SERPINC1: variants seen among roughly 807,000 people sequenced by gnomAD.
SERPINC1 encodes antithrombin-III.
A neutral mutation model predicts 43.4 loss-of-function variants in SERPINC1; 12 were observed. The observed-to-expected ratio is 0.28, with a 90% CI of 0.18 to 0.45. The LOEUF is 0.45. SERPINC1 is among the 20% of genes least tolerant of loss of function. The pLI is 1.00. For missense variants in SERPINC1, 423 were observed against 578.8 expected, an observed-to-expected ratio of 0.73 and a Z score of 2.76; for synonymous variants, 210 against 218.9, an observed-to-expected ratio of 0.96 and a Z score of 0.36.
chr1:173,908,761 T>G (rs1158741484), intron 5 of SERPINC1, among the ~76,000 whole-genome samples: 1 of 152,084 alleles, frequency 6.6e-6, no homozygotes, highest in Non-Finnish European at 1.5e-5. Flanking sequence ...CATCTCACTA[T>G]GTTGTCCAGG....
intron 3 of SERPINC1, 91 bp from the exon 4 acceptor site, chr1:173,910,982 C>T: frequency 7.0e-7 from 1 of 1,430,318 alleles, no homozygotes; most frequent in South Asian, 1.1e-5. Context: ...CTCACCATCC[C>T]TCTGTCCTTT....
intron 5 of SERPINC1, 83 bp downstream of exon 5, chr1:173,909,469 T>G (rs1657667313): frequency 1.4e-6 from 2 of 1,453,040 alleles, no homozygotes; most frequent in East Asian, 4.5e-5. Flanking sequence ...TTGTTGCTCC[T>G]TTCTATTCTT....
chr1:173,914,128 C>T (rs1474762417), intron 2 of SERPINC1, among the ~76,000 whole-genome samples: 2 of 151,916 alleles, frequency 1.3e-5, no homozygotes, highest in Non-Finnish European at 2.9e-5. Flanking sequence ...AGCCTATATG[C>T]CTGATGTCAC....
At chr1:173,907,546 A>G in intron 5 of SERPINC1, 32 bp from the exon 6 acceptor site, 1 of 1,581,740 alleles carries the variant, frequency 6.3e-7, no homozygotes, top group Non-Finnish European at 8.7e-7. Flanking sequence ...TCTTTGTGAG[A>G]TGGGAGAAAG....
intron 2 of SERPINC1, among the ~76,000 whole-genome samples, chr1:173,912,339 C>T (rs1399528970): frequency 6.6e-6 from 1 of 152,204 alleles, no homozygotes; most frequent in Non-Finnish European, 1.5e-5. Flanking sequence ...AGAAGAGAAT[C>T]AGGACGGTGT....
At chr1:173,907,174 C>A (rs575474866) in intron 6 of SERPINC1, among the ~76,000 whole-genome samples, 1 of 152,192 alleles carries the variant, frequency 6.6e-6, no homozygotes, top group East Asian at 1.9e-4. Flanking sequence ...TCTGGTTCTC[C>A]TCATGCTGTA....
intron 3 of SERPINC1, among the ~76,000 whole-genome samples, 169 bp from the exon 4 acceptor site, chr1:173,911,060 T>G (rs1657752084): frequency 6.6e-6 from 1 of 152,156 alleles, no homozygotes; most frequent in African/African-American, 2.4e-5. Context: ...CTAATATAGT[T>G]CCATGAATCT....
At chr1:173,914,042 C>G (rs547845181) in intron 2 of SERPINC1, among the ~76,000 whole-genome samples, 5 of 151,184 alleles carry the variant, frequency 3.3e-5, no homozygotes, top group African/African-American at 1.2e-4. Flanking sequence ...TGCACCACTG[C>G]ACTCCAGCCT....
At chr1:173,907,167 G>T (rs951316494) in intron 6 of SERPINC1, among the ~76,000 whole-genome samples, 1 of 151,448 alleles carries the variant, frequency 6.6e-6, no homozygotes, top group South Asian at 2.1e-4. Flanking sequence ...ATACTCTTCT[G>T]GTTCTCCTCA....
chr1:173,908,630 A>C (rs1657632131), intron 5 of SERPINC1, among the ~76,000 whole-genome samples: 1 of 152,010 alleles, frequency 6.6e-6, no homozygotes, highest in African/African-American at 2.4e-5. Flanking sequence ...GTGTGATCAC[A>C]GTACACCACA....
Position 173,911,923 on chromosome 1 carries a change from T to C in SERPINC1, c.500A>G (p.Asn167Ser), listed in dbSNP as rs121909570. 6.2e-7 allele frequency: 1 copy of C among 1,614,098 alleles called. No homozygotes were observed. The highest frequency in any genetic ancestry group is 8.5e-7 in the Non-Finnish European group (1 of 1,180,048). The change falls in exon 3 of 7, where the codon AAC becomes AGC. Residue 167 changes from asparagine (N) to serine (S), a missense_variant. Coordinates refer to ENST00000367698, the MANE Select transcript of SERPINC1 (RefSeq NM_000488.4). Reference sequence around the variant, plus strand: ...GGCTGATACTAACTTGGAGGATTTGTTGGCTTTTCGATAGAGTCGGCAGTT... The same window carrying C: ...GGCTGATACTAACTTGGAGGATTTGCTGGCTTTTCGATAGAGTCGGCAGTT... ...KLNCRLYRKANKSSKLVSANR... is the reference protein window; with the variant it reads ...KLNCRLYRKASKSSKLVSANR...
rs1322183862 is a variant in SERPINC1, at chr1:173,909,664, C to A, written c.1041G>T (p.Met347Ile). Residue 347 changes from methionine (M) to isoleucine (I), a missense_variant, in exon 5 of 7, where the codon ATG (methionine) becomes ATT (isoleucine). Physicochemically the swap from Met to Ile is conservative, Grantham distance 10 (BLOSUM62 1). Transcript: ENST00000367698. Reference protein sequence around the residue: ...QEWLDELEEMMLVVHMPRFRI... With the variant: ...QEWLDELEEMILVVHMPRFRI... ...GGAAGCGGGGCATGTGGACCACCAG[C>A]ATCATCTCCTCCAATTCATCCAGCC... is the stretch of plus-strand genomic sequence containing the variant. The A allele has an allele frequency of 6.2e-7, 1 of 1,613,632 alleles. No homozygotes were observed. Among genetic ancestry groups the A allele is most frequent in the Admixed American group, 1.7e-5 (1 of 60,002 alleles).
intron 5 of SERPINC1, among the ~76,000 whole-genome samples, chr1:173,907,849 C>T (rs1311965622): frequency 4.0e-5 from 6 of 151,770 alleles, no homozygotes; most frequent in Non-Finnish European, 7.4e-5. Flanking sequence ...GGTGTGGTGG[C>T]GCATGCCTGT....
At chr1:173,914,429 C>G (rs898234686) in intron 2 of SERPINC1, 124 bp downstream of exon 2, 6 of 1,036,022 alleles carry the variant, frequency 5.8e-6, no homozygotes, top group Non-Finnish European at 9.0e-6. Context: ...CAAAGGGAAT[C>G]GTAATGCATA....
At chr1:173,904,858 G>C in intron 6 of SERPINC1, among the ~76,000 whole-genome samples, 1 of 152,136 alleles carries the variant, frequency 6.6e-6, no homozygotes, top group South Asian at 2.1e-4. Flanking sequence ...TAGCAGACTA[G>C]AGTGTTTGCA....
intron 5 of SERPINC1, among the ~76,000 whole-genome samples, chr1:173,909,118 G>T (rs931747681): frequency 6.6e-6 from 1 of 152,076 alleles, no homozygotes; most frequent in Non-Finnish European, 1.5e-5. Flanking sequence ...AGCCGAGATC[G>T]CACCGCTGCA....
chr1:173,910,452 G>T (rs1029479169), intron 4 of SERPINC1, among the ~76,000 whole-genome samples: 1 of 152,066 alleles, frequency 6.6e-6, no homozygotes, highest in Non-Finnish European at 1.5e-5. Context: ...ATGGTGGTGG[G>T]TGCCTGTATT....
At chr1:173,909,461 G>C (rs1657667223) in intron 5 of SERPINC1, 91 bp downstream of exon 5, 5 of 1,369,490 alleles carry the variant, frequency 3.7e-6, no homozygotes, top group East Asian at 4.6e-5. Flanking sequence ...GTCCTGACTT[G>C]TTGCTCCTTT....
intron 4 of SERPINC1, among the ~76,000 whole-genome samples, chr1:173,910,278 T>A (rs1313829212): frequency 6.6e-6 from 1 of 152,138 alleles, no homozygotes; most frequent in Non-Finnish European, 1.5e-5. Context: ...TGCATTTTAC[T>A]AGGTGAAAGA....
Sources: gnomAD v4.1 joint callset for allele counts (sites outside exome capture counted in the v4.1 genomes callset) on GRCh38, gnomAD v4.1.1 for gene constraint, MANE v1.5 for transcripts, NCBI Gene and HGNC (gene_info 2026-07-23, HGNC 2026-07-21) for gene names.